The following RCOR1 variants were observed in gnomAD, a reference collection of about 807,000 sequenced individuals.
The protein encoded by RCOR1 is REST corepressor.
Under a neutral mutation model 64.0 loss-of-function variants are expected in RCOR1, and 12 were observed. The ratio of observed to expected loss-of-function variants is 0.19; its 90% CI spans 0.12 to 0.30. The LOEUF is 0.30. Ranked by LOEUF, RCOR1 falls within the 10% of genes least tolerant of loss-of-function variation. The pLI is 1.00. For missense variants in RCOR1, 502 were observed against 621.2 expected (o/e 0.81, Z 2.04); for synonymous variants, 279 against 227.2 (o/e 1.23, Z -2.05).
At chr14:102,617,166 G>GT (rs1893778136) in intron 2 of RCOR1, among the ~76,000 whole-genome samples, 1 of 152,148 alleles carries the variant, frequency 6.6e-6, no homozygotes, top group Admixed American at 6.6e-5. Flanking sequence ...AAAGCTAACA[G>GT]TTATCAGGCA....
chr14:102,687,964 C>CTTT (rs10712788), intron 3 of RCOR1, among the ~76,000 whole-genome samples: 7 of 135,686 alleles, frequency 5.2e-5, no homozygotes, highest in Non-Finnish European at 6.4e-5. Flanking sequence ...ATAGCATTTC[C>CTTT]TTTTTTTTTT....
chr14:102,696,566 T>C (rs1895653180), intron 3 of RCOR1, among the ~76,000 whole-genome samples: 1 of 152,232 alleles, frequency 6.6e-6, no homozygotes. Context: ...GCGTGGACTT[T>C]GCTCATTGTC....
chr14:102,621,232 A>T (rs973731772), intron 2 of RCOR1, among the ~76,000 whole-genome samples: 1 of 152,134 alleles, frequency 6.6e-6, no homozygotes, highest in African/African-American at 2.4e-5. Context: ...TTGGCCTCCC[A>T]GTATGCTGGG....
chr14:102,707,652 C>G (rs1379405210), intron 5 of RCOR1, 140 bp downstream of exon 5: 2 of 719,358 alleles, frequency 2.8e-6, no homozygotes, highest in East Asian at 5.5e-5. Context: ...CAGCTTAGTA[C>G]ATGCTGCTCT....
At chr14:102,620,092 T>C (rs1453587227) in intron 2 of RCOR1, among the ~76,000 whole-genome samples, 1 of 152,150 alleles carries the variant, frequency 6.6e-6, no homozygotes, top group Non-Finnish European at 1.5e-5. Context: ...CCTGCTTCTG[T>C]ATTTTATATC....
chr14:102,722,775 G>T (rs1896190202), intron 11 of RCOR1, among the ~76,000 whole-genome samples: 1 of 152,232 alleles, frequency 6.6e-6, no homozygotes, highest in Non-Finnish European at 1.5e-5. Flanking sequence ...TGTCTGTGAG[G>T]GATGTCGATG....
intron 2 of RCOR1, among the ~76,000 whole-genome samples, chr14:102,661,996 A>G (rs1179365541): frequency 2.0e-5 from 3 of 152,072 alleles, no homozygotes; most frequent in Non-Finnish European, 4.4e-5. Flanking sequence ...CCTGACCTCA[A>G]GCAATCCTCC....
At chr14:102,609,493 G>A (rs1893582315) in intron 2 of RCOR1, among the ~76,000 whole-genome samples, 1 of 152,020 alleles carries the variant, frequency 6.6e-6, no homozygotes, top group South Asian at 2.1e-4. Context: ...AGGCTGGAGT[G>A]CATTGGTGCG....
intron 4 of RCOR1, among the ~76,000 whole-genome samples, chr14:102,704,709 C>T (rs1045608042): frequency 1.3e-5 from 2 of 152,248 alleles, no homozygotes; most frequent in Admixed American, 1.3e-4. Context: ...GGATTATAGG[C>T]GTGAGCCACC....
At chr14:102,657,886 A>G (rs2139936944) in intron 2 of RCOR1, 1 of 971,314 alleles carries the variant, frequency 1.0e-6, no homozygotes, top group African/African-American at 1.8e-5. Context: ...CAAACTTGGA[A>G]CAGGCCAGTT....
At chr14:102,622,211 C>T (rs920837340) in intron 2 of RCOR1, among the ~76,000 whole-genome samples, 3 of 152,122 alleles carry the variant, frequency 2.0e-5, no homozygotes, top group Non-Finnish European at 4.4e-5. Context: ...TTTATCTACC[C>T]GAGATTTATT....
At chr14:102,618,929 C>T (rs1332673515) in intron 2 of RCOR1, among the ~76,000 whole-genome samples, 5 of 152,034 alleles carry the variant, frequency 3.3e-5, no homozygotes, top group African/African-American at 9.7e-5. Flanking sequence ...AGGGAAGACA[C>T]GTTTAGATGG....
rs1256362510 is a variant in RCOR1 at position 102,593,406 on chromosome 14, C to T, written c.361+81C>T. ...CGGCGAGCCCGAGGGGGCGGGAGCC[C>T]GCCGACAACTTTCTTTTTGTGCGTT... On this transcript the variant is annotated intron_variant, in intron 2 of 11. Transcript: ENST00000262241. The T allele has an allele frequency of 2.6e-5, 36 of 1,383,450 alleles. No homozygotes were observed. The East Asian group carries it at 1.1e-3, about 41-fold the overall frequency. The allele number at this position is 1,383,450 out of a possible 1,614,324, so 85.7% of individuals were successfully genotyped here. A position where few individuals can be genotyped will look rare whatever the true frequency, so the allele number is the denominator to read the frequency against.
At chr14:102,724,292 C>A (rs531541011) in intron 11 of RCOR1, among the ~76,000 whole-genome samples, 3 of 151,926 alleles carry the variant, frequency 2.0e-5, no homozygotes, top group Non-Finnish European at 4.4e-5. Flanking sequence ...TTTTTCACTC[C>A]GCTAGTCATT....
intron 2 of RCOR1, among the ~76,000 whole-genome samples, chr14:102,624,429 C>G (rs1026361461): frequency 1.3e-5 from 2 of 151,846 alleles, no homozygotes; most frequent in African/African-American, 4.8e-5. Context: ...CTCTTGAACC[C>G]AGGAGGCAGA....
intron 2 of RCOR1, among the ~76,000 whole-genome samples, chr14:102,620,387 G>A (rs1189352668): frequency 1.0e-5 from 1 of 99,762 alleles, no homozygotes; most frequent in Non-Finnish European, 2.6e-5. Flanking sequence ...GACCAACATG[G>A]AGAAACCCCA....
At chr14:102,655,007 T>A (rs74385299) in intron 2 of RCOR1, among the ~76,000 whole-genome samples, 19,084 of 151,370 alleles carry the variant, frequency 0.13, 1,450 homozygotes, top group African/African-American at 0.21. Context: ...GATAAGGTCT[T>A]GCCATGTTGC....
chr14:102,706,874 ATTAT>A lies in RCOR1; in HGVS notation c.499-472_499-469del, dbSNP rs201502952. 3.8e-4 allele frequency among the ~76,000 whole-genome samples: 57 copies of A among 151,900 alleles called. No homozygotes were observed. In the East Asian group the frequency reaches 8.3e-3, roughly 22 times the overall value. On this transcript the variant is annotated intron_variant, in intron 4 of 11. Transcript: ENST00000262241. Reference sequence around the variant, plus strand: ...ATTTTTTAAAATTTATTTTAGAAGAATTATTTATAGTTTCTCTGTGACCACTTCC... The same window carrying A: ...ATTTTTTAAAATTTATTTTAGAAGAATTATAGTTTCTCTGTGACCACTTCC...
intron 3 of RCOR1, among the ~76,000 whole-genome samples, chr14:102,685,813 G>T (rs1377424907): frequency 6.6e-6 from 1 of 152,090 alleles, no homozygotes; most frequent in Non-Finnish European, 1.5e-5. Context: ...AAGTCCAAAA[G>T]TTAGCTGGGT....
Sources: allele counts gnomAD v4.1 joint callset (sites outside exome capture counted in the v4.1 genomes callset), GRCh38; gene constraint gnomAD v4.1.1; transcripts MANE v1.5; gene names NCBI Gene and HGNC (gene_info 2026-07-23, HGNC 2026-07-21).